The following SH3GL3 variants were observed in gnomAD, a reference collection of about 807,000 sequenced individuals.
SH3GL3 encodes endophilin-A3.
In SH3GL3, 33 loss-of-function variants were observed where a neutral mutation model predicts 47.7. The ratio of observed to expected loss-of-function variants is 0.69; its 90% CI spans 0.52 to 0.92. The LOEUF is 0.92. Among genes scored for constraint, SH3GL3 ranks in the 40% least tolerant of loss-of-function variants. SH3GL3 has a pLI of 0.00. For missense variants in SH3GL3, 363 were observed against 417.8 expected, an observed-to-expected ratio of 0.87 and a Z score of 1.14; for synonymous variants, 155 against 148.8, an observed-to-expected ratio of 1.04 and a Z score of -0.30.
intron 8 of SH3GL3, among the ~76,000 whole-genome samples, chr15:83,598,176 ACACT>A (rs1332422863): frequency 1.3e-5 from 2 of 152,180 alleles, no homozygotes; most frequent in African/African-American, 2.4e-5. Flanking sequence ...TCAGATGCCC[ACACT>A]CACTCAGTAC....
chr15:83,467,858 C>T (rs897937354), intron 1 of SH3GL3, among the ~76,000 whole-genome samples: 1 of 152,192 alleles, frequency 6.6e-6, no homozygotes, highest in Middle Eastern at 3.4e-3. Context: ...GACGGAGTCT[C>T]TCTCTGTCAC....
At chr15:83,514,789 G>T (rs2042912554) in intron 1 of SH3GL3, among the ~76,000 whole-genome samples, 1 of 152,124 alleles carries the variant, frequency 6.6e-6, no homozygotes, top group Non-Finnish European at 1.5e-5. Flanking sequence ...GGAGAAGTGG[G>T]TTCCTCTTAT....
At chr15:83,520,539 G>A (rs1379289540) in intron 1 of SH3GL3, among the ~76,000 whole-genome samples, 2 of 152,128 alleles carry the variant, frequency 1.3e-5, no homozygotes, top group Non-Finnish European at 2.9e-5. Flanking sequence ...ATAGGTGCTG[G>A]TGAATTAGAC....
intron 1 of SH3GL3, among the ~76,000 whole-genome samples, chr15:83,477,094 A>C (rs973153069): frequency 6.6e-6 from 1 of 152,186 alleles, no homozygotes; most frequent in Non-Finnish European, 1.5e-5. Flanking sequence ...AAACTCTTCT[A>C]TCCAGATATT....
chr15:83,557,837 T>C (rs1325430397), intron 1 of SH3GL3, among the ~76,000 whole-genome samples: 2 of 152,202 alleles, frequency 1.3e-5, no homozygotes, highest in African/African-American at 4.8e-5. Flanking sequence ...GGTGGGAAGA[T>C]AGACTCCAAC....
chr15:83,576,905 T>TAA (rs138903509), intron 6 of SH3GL3, among the ~76,000 whole-genome samples, 164 bp downstream of exon 6: 13 of 124,846 alleles, frequency 1.0e-4, no homozygotes, highest in African/African-American at 3.0e-4. Flanking sequence ...CTGATGAGCT[T>TAA]AAAAAAAAAA....
chr15:83,630,194 A>G, the SH3GL3 span, among the ~76,000 whole-genome samples: 1 of 152,174 alleles, frequency 6.6e-6, no homozygotes, highest in South Asian at 2.1e-4. Flanking sequence ...GAATCAATTA[A>G]ACCTCTTTCC....
chr15:83,505,488 C>T (rs2042459633), intron 1 of SH3GL3, among the ~76,000 whole-genome samples: 2 of 149,050 alleles, frequency 1.3e-5, no homozygotes, highest in Admixed American at 1.3e-4. Context: ...AGAGGTTGTG[C>T]ACTCTTTCAT....
chr15:83,631,323 A>G, the SH3GL3 span, among the ~76,000 whole-genome samples: 1 of 152,088 alleles, frequency 6.6e-6, no homozygotes, highest in Non-Finnish European at 1.5e-5. Flanking sequence ...TGGATTCTGG[A>G]GTCTGAAGAA....
At chr15:83,514,502 T>C (rs2042902437) in intron 1 of SH3GL3, among the ~76,000 whole-genome samples, 1 of 152,176 alleles carries the variant, frequency 6.6e-6, no homozygotes, top group African/African-American at 2.4e-5. Flanking sequence ...GCGAAGTCTA[T>C]TGGAGCATTC....
rs1246480752 is a variant in SH3GL3, at chr15:83,588,656, T to G, written c.729-6T>G. On this transcript the variant is annotated splice_polypyrimidine_tract_variant and splice_region_variant and intron_variant, in intron 7 of 8. Coordinates refer to ENST00000427482, the MANE Select transcript of SH3GL3 (RefSeq NM_003027.5). ...TGTCTGGCTCATCTTACGATGTGTGTTACAGAATATCAGCTGCATCCAGTG... is the reference window on the plus strand; with the variant it reads ...TGTCTGGCTCATCTTACGATGTGTGGTACAGAATATCAGCTGCATCCAGTG... 1.3e-6 allele frequency: 2 copies of G among 1,559,004 alleles called. No individual in the cohort carries two copies. The highest frequency in any genetic ancestry group is 4.5e-5 in the East Asian group (2 of 44,604).
intron 1 of SH3GL3, among the ~76,000 whole-genome samples, chr15:83,547,814 C>A (rs189677922): frequency 2.6e-4 from 35 of 134,114 alleles, no homozygotes; most frequent in Non-Finnish European, 4.0e-4. Flanking sequence ...TGCTTCTTGT[C>A]TTTTAATTGG....
intron 1 of SH3GL3, among the ~76,000 whole-genome samples, chr15:83,478,596 G>A (rs182663956): frequency 3.5e-4 from 54 of 152,296 alleles, no homozygotes; most frequent in Non-Finnish European, 6.3e-4. Flanking sequence ...TTAATTAATG[G>A]GAGCTTTAGT....
intron 1 of SH3GL3, among the ~76,000 whole-genome samples, chr15:83,555,301 C>G (rs2044888246): frequency 6.6e-6 from 1 of 152,114 alleles, no homozygotes. Flanking sequence ...TTAATAATAT[C>G]CTAAACACAC....
chr15:83,541,182 T>C (rs1451379284), intron 1 of SH3GL3, among the ~76,000 whole-genome samples: 1 of 152,162 alleles, frequency 6.6e-6, no homozygotes, highest in African/African-American at 2.4e-5. Flanking sequence ...TGATGGACAC[T>C]TAGATTGATT....
chr15:83,531,839 T>TGA (rs150286529), intron 1 of SH3GL3, among the ~76,000 whole-genome samples: 5 of 151,014 alleles, frequency 3.3e-5, no homozygotes, highest in South Asian at 2.1e-4. Context: ...TGTGTGTGTC[T>TGA]GAGAGAGAGA....
intron 8 of SH3GL3, among the ~76,000 whole-genome samples, chr15:83,594,454 A>G (rs1434724864): frequency 3.3e-5 from 5 of 152,208 alleles, no homozygotes; most frequent in African/African-American, 1.2e-4. Context: ...TTTTATTAGT[A>G]TGGCACATTT....
intron 3 of SH3GL3, among the ~76,000 whole-genome samples, chr15:83,566,532 T>C (rs757246268): frequency 6.6e-6 from 1 of 152,164 alleles, no homozygotes; most frequent in Non-Finnish European, 1.5e-5. Context: ...CCCAGCACTT[T>C]GGGAGGCCAA....
intron 1 of SH3GL3, among the ~76,000 whole-genome samples, chr15:83,547,240 G>A (rs1477025222): frequency 1.3e-5 from 2 of 152,194 alleles, no homozygotes; most frequent in African/African-American, 2.4e-5. Flanking sequence ...CTGCTGGGAT[G>A]GACGATTGCC....
Sources: gnomAD v4.1 joint callset for allele counts (sites outside exome capture counted in the v4.1 genomes callset) on GRCh38, gnomAD v4.1.1 for gene constraint, MANE v1.5 for transcripts, NCBI Gene and HGNC (gene_info 2026-07-23, HGNC 2026-07-21) for gene names.